The following MACROD2 variants were observed in gnomAD, a reference collection of about 807,000 sequenced individuals.
MACROD2 encodes the protein ADP-ribose glycohydrolase MACROD2.
MACROD2 carries 36 observed loss-of-function variants against 70.4 expected under a neutral mutation model. The ratio of observed to expected loss-of-function variants is 0.51; its 90% confidence interval spans 0.39 to 0.68. The LOEUF (loss-of-function observed/expected upper bound fraction) is 0.68. MACROD2 is among the 30% of genes least tolerant of loss of function. MACROD2 has a pLI of 0.00. For synonymous variants in MACROD2, 172 were observed against 178.8 expected, an observed-to-expected ratio of 0.96 and a Z score of 0.30; for missense variants, 496 against 538.4, an observed-to-expected ratio of 0.92 and a Z score of 0.78.
chr20:14,561,380 T>C (rs1020388068), intron 4 of MACROD2, among the ~76,000 whole-genome samples: 1 of 151,862 alleles, frequency 6.6e-6, no homozygotes, highest in African/African-American at 2.4e-5. Flanking sequence ...TAGAAACCAC[T>C]GTAAGCTTAG....
intron 4 of MACROD2, among the ~76,000 whole-genome samples, chr20:14,669,556 A>C (rs1044358421): frequency 3.9e-5 from 6 of 152,186 alleles, no homozygotes; most frequent in African/African-American, 1.4e-4. Context: ...ACACGATTGA[A>C]GTTTAAAAGC....
chr20:15,054,940 A>T (rs1248950107), intron 5 of MACROD2, among the ~76,000 whole-genome samples: 2 of 139,890 alleles, frequency 1.4e-5, no homozygotes, highest in Non-Finnish European at 3.0e-5. Context: ...GTGCCGCCAC[A>T]TCTAGCTTTT....
chr20:14,423,452 C>T (rs528706374), intron 3 of MACROD2, among the ~76,000 whole-genome samples: 1 of 151,488 alleles, frequency 6.6e-6, no homozygotes, highest in Non-Finnish European at 1.5e-5. Flanking sequence ...GTAATCCCAG[C>T]ACTTTGGGAG....
intron 6 of MACROD2, among the ~76,000 whole-genome samples, chr20:15,388,502 A>G (rs922975593): frequency 6.6e-6 from 1 of 152,214 alleles, no homozygotes; most frequent in Non-Finnish European, 1.5e-5. Flanking sequence ...TCAGATAAAC[A>G]TCACATTATT....
chr20:15,236,180 A>G (rs1175442829), intron 6 of MACROD2, among the ~76,000 whole-genome samples: 1 of 152,206 alleles, frequency 6.6e-6, no homozygotes, highest in Non-Finnish European at 1.5e-5. Flanking sequence ...AAGCTAACTC[A>G]AGACTTTTCC....
At chr20:15,586,772 T>C (rs2146658720) in intron 8 of MACROD2, among the ~76,000 whole-genome samples, 1 of 152,214 alleles carries the variant, frequency 6.6e-6, no homozygotes, top group Non-Finnish European at 1.5e-5. Flanking sequence ...AATGTGAAAA[T>C]ATCAGTAAAT....
chr20:15,701,709 G>C (rs2146897959), intron 8 of MACROD2, among the ~76,000 whole-genome samples: 1 of 152,258 alleles, frequency 6.6e-6, no homozygotes, highest in South Asian at 2.1e-4. Flanking sequence ...ATGCAGGTTT[G>C]TTATGGGAGC....
rs1301480044 is a variant in MACROD2 at position 15,635,806 on chromosome 20, A to T, written c.645+135959A>T. On this transcript the variant is annotated intron_variant, in intron 8 of 17. Coordinates refer to ENST00000684519, the MANE Select transcript of MACROD2 (RefSeq NM_001351661.2). The stretch of plus-strand genomic sequence containing the variant: ...AGGGCAGCTGGGCACGGTGGCTCAC[A>T]CCTGTAATCCCAGCGCTTTGGGAGG... 2.0e-5 allele frequency among the ~76,000 whole-genome samples: 3 copies of T among 152,064 alleles called. No homozygotes were observed. The East Asian group carries it at 5.8e-4, about 29-fold the overall frequency.
chr20:14,278,050 T>C (rs1213564309), intron 3 of MACROD2, among the ~76,000 whole-genome samples: 1 of 152,204 alleles, frequency 6.6e-6, no homozygotes, highest in East Asian at 1.9e-4. Flanking sequence ...AACTTCAGGC[T>C]AAGACAAGTG....
At chr20:15,820,987 G>A (rs916308136) in intron 8 of MACROD2, among the ~76,000 whole-genome samples, 9 of 152,216 alleles carry the variant, frequency 5.9e-5, no homozygotes, top group Middle Eastern at 3.4e-3. Flanking sequence ...CTTTCTGAGA[G>A]GCTAGCATTT....
intron 8 of MACROD2, among the ~76,000 whole-genome samples, chr20:15,806,458 G>T (rs2147079952): frequency 6.6e-6 from 1 of 152,156 alleles, no homozygotes; most frequent in South Asian, 2.1e-4. Context: ...TCAACACAAG[G>T]CTCCCCTGAC....
At chr20:14,301,753 G>A (rs1412306151) in intron 3 of MACROD2, among the ~76,000 whole-genome samples, 1 of 152,048 alleles carries the variant, frequency 6.6e-6, no homozygotes, top group Non-Finnish European at 1.5e-5. Context: ...TAACTAAAAT[G>A]TCTTGATGTT....
intron 3 of MACROD2, among the ~76,000 whole-genome samples, chr20:14,473,510 A>G (rs1391109054): frequency 2.6e-5 from 4 of 152,176 alleles, no homozygotes; most frequent in Non-Finnish European, 4.4e-5. Flanking sequence ...ATAGTATTCC[A>G]TTGTGTATGG....
intron 8 of MACROD2, among the ~76,000 whole-genome samples, chr20:15,513,033 G>A (rs2047520050): frequency 6.6e-6 from 1 of 152,114 alleles, no homozygotes; most frequent in African/African-American, 2.4e-5. Context: ...TACAAAGTTC[G>A]TTTTTCTAAG....
chr20:14,597,626 T>G (rs1380343516), intron 4 of MACROD2, among the ~76,000 whole-genome samples: 1 of 152,164 alleles, frequency 6.6e-6, no homozygotes, highest in South Asian at 2.1e-4. Context: ...GAAATCTGGT[T>G]CATTATTCAC....
At chr20:15,506,537 TA>T (rs2047428141) in intron 8 of MACROD2, among the ~76,000 whole-genome samples, 1 of 152,188 alleles carries the variant, frequency 6.6e-6, no homozygotes, top group Non-Finnish European at 1.5e-5. Flanking sequence ...TATGCAGTGT[TA>T]AAAATTGTTT....
chr20:15,362,673 A>G (rs1348084061), intron 6 of MACROD2, among the ~76,000 whole-genome samples: 2 of 152,142 alleles, frequency 1.3e-5, no homozygotes, highest in Non-Finnish European at 2.9e-5. Flanking sequence ...CATAATAACC[A>G]TTTAATGTAG....
intron 8 of MACROD2, among the ~76,000 whole-genome samples, chr20:15,526,347 A>G (rs1162133788): frequency 6.6e-6 from 1 of 152,226 alleles, no homozygotes; most frequent in African/African-American, 2.4e-5. Flanking sequence ...GAATCACCAA[A>G]AATAGTTCAG....
chr20:15,332,151 G>A (rs1449873652), intron 6 of MACROD2, among the ~76,000 whole-genome samples: 1 of 151,364 alleles, frequency 6.6e-6, no homozygotes, highest in Non-Finnish European at 1.5e-5. Flanking sequence ...CTGTTGACAT[G>A]GGCATATCAT....
Sources: gnomAD v4.1 joint callset for allele counts (sites outside exome capture counted in the v4.1 genomes callset) on GRCh38, gnomAD v4.1.1 for gene constraint, MANE v1.5 for transcripts, NCBI Gene and HGNC (gene_info 2026-07-23, HGNC 2026-07-21) for gene names.